The following NREP variants were observed in gnomAD, a reference collection of about 807,000 sequenced individuals.
NREP encodes the protein neuronal regeneration-related protein.
Under a neutral mutation model 8.6 loss-of-function variants are expected in NREP, and 5 were observed. The observed-to-expected ratio is 0.58, with a 90% CI of 0.30 to 1.22. NREP has a LOEUF of 1.22. NREP is among the 50% of genes most tolerant of loss of function. NREP has a pLI of 0.07. For missense variants in NREP, 86 were observed against 82.5 expected, an observed-to-expected ratio of 1.04 and a Z score of -0.17; for synonymous variants, 27 against 28.0, an observed-to-expected ratio of 0.96 and a Z score of 0.11.
intron 2 of NREP, among the ~76,000 whole-genome samples, chr5:111,881,223 G>C (rs961553424): frequency 1.3e-5 from 2 of 152,162 alleles, no homozygotes; most frequent in African/African-American, 4.8e-5. Context: ...CTCCCTGATT[G>C]CTAGCACAGC....
chr5:111,866,345 A>C (rs936629578), intron 2 of NREP, among the ~76,000 whole-genome samples: 2 of 152,186 alleles, frequency 1.3e-5, no homozygotes, highest in Non-Finnish European at 2.9e-5. Flanking sequence ...AGGATATGAA[A>C]AGACACTTCT....
At chr5:111,844,174 A>C (rs1273546299) in intron 2 of NREP, among the ~76,000 whole-genome samples, 2 of 152,170 alleles carry the variant, frequency 1.3e-5, no homozygotes, top group East Asian at 3.8e-4. Flanking sequence ...TGAAAAAAGA[A>C]TGCTACTGTG....
chr5:111,920,815 T>C (rs1755216762), intron 2 of NREP, among the ~76,000 whole-genome samples: 1 of 152,180 alleles, frequency 6.6e-6, no homozygotes, highest in Admixed American at 6.6e-5. Flanking sequence ...TGGATGTGCC[T>C]GGTTCAAGGT....
chr5:111,851,943 T>A (rs1753320332), intron 2 of NREP, among the ~76,000 whole-genome samples: 1 of 152,190 alleles, frequency 6.6e-6, no homozygotes, highest in African/African-American at 2.4e-5. Flanking sequence ...CTGTAAGACA[T>A]GAATACTAGT....
At chr5:111,810,918 T>C (rs1233869057) in intron 2 of NREP, among the ~76,000 whole-genome samples, 1 of 152,226 alleles carries the variant, frequency 6.6e-6, no homozygotes, top group African/African-American at 2.4e-5. Flanking sequence ...TACATACTTA[T>C]TCAAAATTAC....
intron 2 of NREP, among the ~76,000 whole-genome samples, chr5:111,873,004 A>T (rs1561703228): frequency 6.6e-6 from 1 of 152,196 alleles, no homozygotes; most frequent in African/African-American, 2.4e-5. Flanking sequence ...ATTGTTATGT[A>T]GGTCGCATCA....
chr5:111,763,814 G>A (rs775180865), intron 2 of NREP, among the ~76,000 whole-genome samples: 10 of 152,206 alleles, frequency 6.6e-5, no homozygotes, highest in Admixed American at 2.6e-4. Flanking sequence ...TTGTGTTAAC[G>A]AATTTGCATT....
intron 2 of NREP, among the ~76,000 whole-genome samples, chr5:111,964,695 C>G (rs1371347964): frequency 6.6e-6 from 1 of 151,764 alleles, no homozygotes; most frequent in East Asian, 1.9e-4. Context: ...AGACAACTGG[C>G]TGTGTCCAGT....
At chr5:111,744,453 G>T (rs930271668) in intron 2 of NREP, among the ~76,000 whole-genome samples, 1 of 152,022 alleles carries the variant, frequency 6.6e-6, no homozygotes, top group African/African-American at 2.4e-5. Flanking sequence ...AATATATCCA[G>T]ATCTGTATCC....
chr5:111,877,226 T>C (rs1054642752), intron 2 of NREP, among the ~76,000 whole-genome samples: 8 of 152,220 alleles, frequency 5.3e-5, no homozygotes, highest in African/African-American at 1.9e-4. Flanking sequence ...TCATTCTTGG[T>C]TGCTGCTGCT....
intron 2 of NREP, among the ~76,000 whole-genome samples, chr5:111,859,788 T>G (rs1202082716): frequency 6.6e-6 from 1 of 152,068 alleles, no homozygotes; most frequent in African/African-American, 2.4e-5. Context: ...CCAGTCTTTT[T>G]AAATCAGGTC....
At chr5:111,848,042 G>T (rs149564000) in intron 2 of NREP, among the ~76,000 whole-genome samples, 20 of 152,144 alleles carry the variant, frequency 1.3e-4, no homozygotes, top group Non-Finnish European at 2.4e-4. Flanking sequence ...AACTCAACTG[G>T]TGGGTCCTGA....
At chr5:111,786,135 T>G (rs1052006171) in intron 2 of NREP, among the ~76,000 whole-genome samples, 3 of 152,218 alleles carry the variant, frequency 2.0e-5, no homozygotes, top group African/African-American at 7.2e-5. Flanking sequence ...GCTCATTCAA[T>G]TTTTAAACAA....
intron 2 of NREP, among the ~76,000 whole-genome samples, chr5:111,748,441 T>C (rs926263878): frequency 6.6e-6 from 1 of 152,118 alleles, no homozygotes; most frequent in African/African-American, 2.4e-5. Context: ...TGCCCAGAAA[T>C]AACAGATTGT....
rs751859324 is a variant in NREP at position 111,755,778 on chromosome 5, G to A, written c.-6C>T. ...TGATGACCAAGTCTTACCATTTTGA[G>A]AATCTTAGTCTTGGGCTTCTATTCT... is the stretch of plus-strand genomic sequence containing the variant. On this transcript the variant is annotated 5_prime_UTR_variant, in exon 2 of 4. Coordinates refer to ENST00000257435, the MANE Select transcript of NREP (RefSeq NM_004772.4). 4.3e-6 allele frequency: 7 copies of A among 1,613,862 alleles called. No homozygotes were observed. The Admixed American group carries it at 1.0e-4, about 23-fold the overall frequency.
At position 111,729,824 on chromosome 5, in the gene NREP, T is replaced by C. The variant is rs1313398929; in HGVS notation, c.*1097A>G. The stretch of plus-strand genomic sequence containing the variant: ...ATTGCCGAAAAAAGAATGCTCTGCC[T>C]TTTAAAAAAGTATCATGATTTTGTA... On this transcript the variant is annotated 3_prime_UTR_variant, in exon 4 of 4. Coordinates refer to ENST00000257435, the MANE Select transcript of NREP (RefSeq NM_004772.4). The C allele has an allele frequency of 2.0e-5, 3 of 152,640 alleles. No homozygotes were observed. Among genetic ancestry groups the C allele is most frequent in the African/African-American group, 7.2e-5 (3 of 41,456 alleles). The allele number at this position is 152,640 out of a possible 1,614,324, so 9.5% of individuals were successfully genotyped here.
At chr5:111,850,420 TCTAA>T (rs1753280185) in intron 2 of NREP, among the ~76,000 whole-genome samples, 1 of 152,196 alleles carries the variant, frequency 6.6e-6, no homozygotes, top group South Asian at 2.1e-4. Context: ...CATTTATGTC[TCTAA>T]CTATCATTTC....
intron 2 of NREP, among the ~76,000 whole-genome samples, chr5:111,907,950 G>A (rs1268191501): frequency 6.6e-6 from 1 of 151,972 alleles, no homozygotes; most frequent in African/African-American, 2.4e-5. Context: ...CATTGGTTGA[G>A]AAAATACTAA....
chr5:111,860,575 C>A (rs1753523104), intron 2 of NREP, among the ~76,000 whole-genome samples: 1 of 152,116 alleles, frequency 6.6e-6, no homozygotes, highest in African/African-American at 2.4e-5. Context: ...CTCTCTCTCT[C>A]CTTCAATCTG....
Sources: gnomAD v4.1 joint callset for allele counts (sites outside exome capture counted in the v4.1 genomes callset) on GRCh38, gnomAD v4.1.1 for gene constraint, MANE v1.5 for transcripts, NCBI Gene and HGNC (gene_info 2026-07-23, HGNC 2026-07-21) for gene names.